PPP4R3A: variants seen among roughly 807,000 people sequenced by gnomAD.
PPP4R3A encodes protein phosphatase 4 regulatory subunit 3A.
PPP4R3A carries 15 observed loss-of-function variants against 91.7 expected under a neutral mutation model. The observed-to-expected ratio is 0.16, with a 90% CI of 0.11 to 0.25. The LOEUF (loss-of-function observed/expected upper bound fraction) is 0.25. PPP4R3A is among the 10% of genes least tolerant of loss of function. The pLI, the probability that PPP4R3A is intolerant of heterozygous loss-of-function variation, is 1.00. For missense variants in PPP4R3A, 623 were observed against 998.4 expected, an observed-to-expected ratio of 0.62 and a Z score of 5.07; for synonymous variants, 377 against 348.7, an observed-to-expected ratio of 1.08 and a Z score of -0.91.
At chr14:91,495,701 A>C (rs1373883360) in intron 1 of PPP4R3A, among the ~76,000 whole-genome samples, 1 of 151,782 alleles carries the variant, frequency 6.6e-6, no homozygotes, top group Admixed American at 6.6e-5. Flanking sequence ...TAAAAAAAAA[A>C]CAAAAAACAG....
chr14:91,467,737 C>T (rs1173439132), intron 10 of PPP4R3A, among the ~76,000 whole-genome samples: 1 of 152,164 alleles, frequency 6.6e-6, no homozygotes, highest in African/African-American at 2.4e-5. Flanking sequence ...GACACACCTA[C>T]ATACTTAACT....
intron 1 of PPP4R3A, among the ~76,000 whole-genome samples, chr14:91,506,909 A>G (rs535294215): frequency 2.1e-4 from 32 of 152,202 alleles, no homozygotes; most frequent in Non-Finnish European, 4.4e-4. Context: ...GCACATCAGT[A>G]ATTTAGTTAA....
chr14:91,509,379 CGAGGTGGCCGCCCTCCCCA>C, intron 1 of PPP4R3A, 108 bp downstream of exon 1: 1 of 1,370,572 alleles, frequency 7.3e-7, no homozygotes, highest in Non-Finnish European at 9.9e-7. Context: ...CGTCCTCCCC[CGAGGTGGCCGCCCTCCCCA>C]GCCGTCCCTC....
chr14:91,462,952 T>A, intron 11 of PPP4R3A, 75 bp from the exon 12 acceptor site: 1 of 1,121,978 alleles, frequency 8.9e-7, no homozygotes, highest in Non-Finnish European at 1.3e-6. Context: ...TTTAATCAAT[T>A]CATACCCACC....
At chr14:91,484,409 G>A (rs1051574951) in intron 3 of PPP4R3A, among the ~76,000 whole-genome samples, 1 of 152,274 alleles carries the variant, frequency 6.6e-6, no homozygotes, top group African/African-American at 2.4e-5. Flanking sequence ...TCTGCCACCT[G>A]TTTTTGTAAA....
chr14:91,478,906 T>C (rs537881349), intron 4 of PPP4R3A, among the ~76,000 whole-genome samples: 11 of 152,346 alleles, frequency 7.2e-5, no homozygotes, highest in African/African-American at 2.4e-4. Flanking sequence ...TTCAAATAAA[T>C]TTTACTTATA....
intron 7 of PPP4R3A, among the ~76,000 whole-genome samples, chr14:91,473,862 C>T (rs1019959261): frequency 3.9e-5 from 6 of 152,170 alleles, no homozygotes; most frequent in Non-Finnish European, 8.8e-5. Context: ...CTCCACCTCC[C>T]GGGTTCAAGC....
chr14:91,488,127 T>C (rs894636378), intron 2 of PPP4R3A, among the ~76,000 whole-genome samples: 1 of 151,844 alleles, frequency 6.6e-6, no homozygotes, highest in South Asian at 2.1e-4. Context: ...AGTTGGACGC[T>C]GCAGTGCACT....
chr14:91,471,134 T>C, intron 9 of PPP4R3A, 139 bp from the exon 10 acceptor site: 1 of 738,284 alleles, frequency 1.4e-6, no homozygotes, highest in South Asian at 2.3e-5. Flanking sequence ...GAAATTAGCA[T>C]TTACTGAACG....
intron 2 of PPP4R3A, among the ~76,000 whole-genome samples, chr14:91,488,853 T>C (rs922928347): frequency 6.6e-6 from 1 of 151,890 alleles, no homozygotes; most frequent in Non-Finnish European, 1.5e-5. Context: ...TTCCTCATCA[T>C]TAGGATGGGA....
chr14:91,493,307 T>C (rs1425706063), intron 1 of PPP4R3A, among the ~76,000 whole-genome samples: 5 of 120,662 alleles, frequency 4.1e-5, no homozygotes, highest in Non-Finnish European at 6.7e-5. Flanking sequence ...ACAGAGACTC[T>C]GCCTCAAAAA....
At chr14:91,499,824 A>G (rs1595087677) in intron 1 of PPP4R3A, among the ~76,000 whole-genome samples, 2 of 42,282 alleles carry the variant, frequency 4.7e-5, no homozygotes, top group Admixed American at 4.9e-4. Context: ...CCACCTCAAA[A>G]AAAAAAAAAA....
At position 91,476,487 on chromosome 14, in the gene PPP4R3A, G is replaced by A. The variant is rs1463941060; in HGVS notation, c.1031C>T (p.Thr344Met). 5.0e-6 allele frequency: 8 copies of A among 1,607,340 alleles called. No individual in the cohort carries two copies. The highest frequency in any genetic ancestry group is 1.3e-5 in the African/African-American group (1 of 74,498). ...AGCATCTCTGTTTTGAGGCTGTAGCGTTTGGGAAAACGCACAAAATTCTTT... is the reference window on the plus strand; with the variant it reads ...AGCATCTCTGTTTTGAGGCTGTAGCATTTGGGAAAACGCACAAAATTCTTT... ...FLKEFCAFSQ[T>M]LQPQNRDAFF... Residue 344 changes from threonine to methionine, a missense_variant, in exon 6 of 15, where the codon ACG becomes ATG. Transcript: ENST00000554943.
chr14:91,463,428 C>T (rs977449134), intron 11 of PPP4R3A, among the ~76,000 whole-genome samples: 7 of 151,832 alleles, frequency 4.6e-5, no homozygotes, highest in African/African-American at 1.2e-4. Flanking sequence ...TTCTGATGTG[C>T]GGGCTGGGTA....
intron 1 of PPP4R3A, among the ~76,000 whole-genome samples, chr14:91,493,312 CAAA>C (rs59007966): frequency 7.3e-6 from 1 of 136,258 alleles, no homozygotes; most frequent in Admixed American, 7.3e-5. Context: ...GACTCTGCCT[CAAA>C]AAAAAAAAAG....
In PPP4R3A at chr14:91,457,515, G is replaced by C. The variant is rs1887836367; in HGVS notation, c.*1244C>G. 6.6e-6 allele frequency: 1 copy of C among 152,340 alleles called. No individual in the cohort carries two copies. The highest frequency in any genetic ancestry group is 2.4e-5 in the African/African-American group (1 of 41,428). The allele number at this position is 152,340 out of a possible 1,614,324, so 9.4% of individuals were successfully genotyped here. On this transcript the variant is annotated 3_prime_UTR_variant, in exon 15 of 15. Coordinates refer to ENST00000554943, the MANE Select transcript of PPP4R3A (RefSeq NM_001366432.2). ...TAAGGTGACAGGTGATGGTCCTCTG[G>C]CCAGGTATTTATTTAGAAACCACCA...
chr14:91,507,355 AT>A (rs1891369251), intron 1 of PPP4R3A, among the ~76,000 whole-genome samples: 1 of 90,784 alleles, frequency 1.1e-5, no homozygotes, highest in East Asian at 2.8e-4. Context: ...TATATACTAT[AT>A]AGTATATATA....
intron 10 of PPP4R3A, among the ~76,000 whole-genome samples, chr14:91,470,455 T>C (rs1199771193): frequency 6.6e-6 from 1 of 152,162 alleles, no homozygotes; most frequent in Non-Finnish European, 1.5e-5. Flanking sequence ...CATATTCATT[T>C]CTCTCTTCTC....
rs1434201837 is a variant in PPP4R3A, at chr14:91,475,777, A to G, written c.1266+34T>C. 22 of 1,568,736 alleles carry G rather than the reference A, an allele frequency of 1.4e-5. 1 individual carries two copies. In the East Asian group the frequency reaches 5.0e-4, roughly 36 times the overall value. ...TAAAAACAGTTATAGCTTCCTATGTATAAATACTTACTATTAGTACAAATA... is the reference window on the plus strand; with the variant it reads ...TAAAAACAGTTATAGCTTCCTATGTGTAAATACTTACTATTAGTACAAATA... On this transcript the variant is annotated intron_variant, in intron 7 of 14. Transcript: ENST00000554943.
Sources: gnomAD v4.1 joint callset for allele counts (sites outside exome capture counted in the v4.1 genomes callset) on GRCh38, gnomAD v4.1.1 for gene constraint, MANE v1.5 for transcripts, NCBI Gene and HGNC (gene_info 2026-07-23, HGNC 2026-07-21) for gene names.